SMS: variants seen among roughly 807,000 people sequenced by gnomAD.
SMS encodes spermidine aminopropyltransferase.
A neutral mutation model predicts 33.0 loss-of-function variants in SMS; 3 were observed. That is an observed-to-expected ratio of 0.09 (90% confidence interval 0.04 to 0.23). The LOEUF (loss-of-function observed/expected upper bound fraction) is 0.23, where lower values mean the gene tolerates loss of function less well. Among genes scored for constraint, SMS ranks in the 10% least tolerant of loss-of-function variants. The pLI, the probability that SMS is intolerant of heterozygous loss-of-function variation, is 1.00. For synonymous variants in SMS, 103 were observed against 112.2 expected, an observed-to-expected ratio of 0.92 and a Z score of 0.52; for missense variants, 117 against 288.6, an observed-to-expected ratio of 0.41 and a Z score of 4.31.
chrX:21,958,592 C>G (rs1405834954), intron 1 of SMS, among the ~76,000 whole-genome samples: 2 of 112,667 alleles, frequency 1.8e-5, no homozygotes, highest in Non-Finnish European at 3.7e-5. Flanking sequence ...ACCCTGTGCC[C>G]CTTAGCCATC....
chrX:21,991,887 C>T (rs996816137), intron 9 of SMS, among the ~76,000 whole-genome samples: 2 of 111,649 alleles, frequency 1.8e-5, no homozygotes, highest in Non-Finnish European at 3.8e-5. Context: ...TTGAAGAGGC[C>T]GGTGGCTCTT....
rs1925965628 is a variant in SMS at position 21,994,602 on chromosome X, C to A, written c.*251C>A. 1.1e-6 allele frequency: 1 copy of A among 915,922 alleles called. No individual in the cohort carries two copies. The highest frequency in any genetic ancestry group is 1.3e-6 in the Non-Finnish European group (1 of 744,689). 75.5% of individuals were successfully genotyped at this position (915,922 alleles called of 1,213,427 possible). A position where few individuals can be genotyped will look rare whatever the true frequency, so the allele number is the denominator to read the frequency against. ...AAGACTGCTAAATGCACTGACCCCCCCCATTAGAATGTGATTTTTGTTCCT... is the reference window on the plus strand; with the variant it reads ...AAGACTGCTAAATGCACTGACCCCCACCATTAGAATGTGATTTTTGTTCCT... On this transcript the variant is annotated 3_prime_UTR_variant, in exon 11 of 11. Coordinates refer to ENST00000404933, the MANE Select transcript of SMS (RefSeq NM_004595.5).
intron 1 of SMS, chrX:21,960,068 AGT>A: frequency 7.8e-6 from 2 of 255,503 alleles, no homozygotes; most frequent in Non-Finnish European, 1.1e-5. Context: ...CTGAGAATAA[AGT>A]GTGAGTGAGG....
At chrX:21,963,786 A>G (rs1189203019) in intron 1 of SMS, among the ~76,000 whole-genome samples, 1 of 112,333 alleles carries the variant, frequency 8.9e-6, no homozygotes, top group African/African-American at 3.2e-5. Flanking sequence ...TTCGTTCACC[A>G]GCATGGGGGT....
At chrX:21,982,185 A>T (rs924046678) in intron 7 of SMS, among the ~76,000 whole-genome samples, 13 of 108,542 alleles carry the variant, frequency 1.2e-4, no homozygotes, top group Non-Finnish European at 2.5e-4. Context: ...AATACAAAAA[A>T]AAATTAGCTG....
chrX:21,953,608 C>A (rs1922765912), intron 1 of SMS, among the ~76,000 whole-genome samples: 2 of 112,299 alleles, frequency 1.8e-5, no homozygotes, highest in Non-Finnish European at 3.8e-5. Context: ...TCTGCTTACA[C>A]ATTCTTTAAT....
chrX:21,969,776 A>C (rs1274510962), intron 2 of SMS, among the ~76,000 whole-genome samples: 2 of 112,465 alleles, frequency 1.8e-5, no homozygotes, highest in African/African-American at 6.5e-5. Flanking sequence ...AAAGCAATAA[A>C]CAAAAACAAA....
intron 1 of SMS, among the ~76,000 whole-genome samples, chrX:21,953,234 T>A (rs1400928422): frequency 5.5e-5 from 6 of 108,116 alleles, no homozygotes; most frequent in African/African-American, 2.0e-4. Context: ...CCAGTCGGAT[T>A]AACATTCAAA....
intron 7 of SMS, 123 bp downstream of exon 7, chrX:21,979,089 T>C (rs184658981): frequency 7.8e-4 from 411 of 524,531 alleles, no homozygotes; most frequent in African/African-American, 7.2e-3. Context: ...ATCATCTGTC[T>C]CTTCATATGA....
intron 1 of SMS, among the ~76,000 whole-genome samples, chrX:21,945,693 G>A (rs1423400189): frequency 1.1e-5 from 1 of 88,587 alleles, no homozygotes; most frequent in African/African-American, 4.6e-5. Context: ...GCAATGGCAC[G>A]ATCTCAGTGT....
chrX:21,941,015 A>C, intron 1 of SMS, 142 bp downstream of exon 1: 1 of 160,269 alleles, frequency 6.2e-6, no homozygotes, highest in Non-Finnish European at 1.0e-5. Context: ...CCGGACTGCC[A>C]CGCACAGCGC....
chrX:21,991,697 A>G (rs1925771530), intron 9 of SMS, among the ~76,000 whole-genome samples: 1 of 112,544 alleles, frequency 8.9e-6, no homozygotes, highest in African/African-American at 3.2e-5. Flanking sequence ...CTATGATATC[A>G]TATGTACATT....
chrX:21,960,448 A>G (rs966684273), intron 1 of SMS, among the ~76,000 whole-genome samples: 2 of 110,554 alleles, frequency 1.8e-5, no homozygotes, highest in African/African-American at 6.6e-5. Context: ...TAGATTATCA[A>G]ACATGTACAG....
intron 9 of SMS, among the ~76,000 whole-genome samples, chrX:21,992,157 C>T (rs754930122): frequency 1.5e-4 from 17 of 112,539 alleles, no homozygotes; most frequent in African/African-American, 3.9e-4. Flanking sequence ...TCTGTGTCAA[C>T]ATTTTAGACT....
At chrX:21,953,565 C>T (rs921570591) in intron 1 of SMS, among the ~76,000 whole-genome samples, 1 of 112,048 alleles carries the variant, frequency 8.9e-6, no homozygotes. Flanking sequence ...TCTTTCTCAG[C>T]GGGAACTGGG....
At chrX:21,981,045 G>A (rs1305068165) in intron 7 of SMS, among the ~76,000 whole-genome samples, 3 of 111,822 alleles carry the variant, frequency 2.7e-5, no homozygotes, top group Admixed American at 9.5e-5. Flanking sequence ...AGAACAGGCC[G>A]GGCTTGGTGG....
chrX:21,972,432 C>CA, intron 3 of SMS, 75 bp from the exon 4 acceptor site: 1 of 663,308 alleles, frequency 1.5e-6, no homozygotes, highest in Non-Finnish European at 2.5e-6. Context: ...AACATGGCCT[C>CA]AGTCGTTGGG....
chrX:21,956,466 A>ATT (rs1399020305), intron 1 of SMS, among the ~76,000 whole-genome samples: 1 of 106,735 alleles, frequency 9.4e-6, no homozygotes, highest in African/African-American at 3.4e-5. Flanking sequence ...TTTTATTTTT[A>ATT]TTTTTATTTT....
chrX:21,958,570 C>T (rs1260973276), intron 1 of SMS, among the ~76,000 whole-genome samples: 1 of 112,654 alleles, frequency 8.9e-6, no homozygotes, highest in Non-Finnish European at 1.9e-5. Context: ...ATTTTCATCA[C>T]CTCAAAAACA....
Sources: allele counts gnomAD v4.1 joint callset (sites outside exome capture counted in the v4.1 genomes callset), GRCh38; gene constraint gnomAD v4.1.1; transcripts MANE v1.5; gene names NCBI Gene and HGNC (gene_info 2026-07-23, HGNC 2026-07-21).